The following EPS15L1 variants were observed in gnomAD, a reference collection of about 807,000 sequenced individuals.
The protein encoded by EPS15L1 is epidermal growth factor receptor substrate 15-like 1.
EPS15L1 carries 43 observed loss-of-function variants against 117.1 expected under a neutral mutation model. The ratio of observed to expected loss-of-function variants is 0.37; its 90% CI spans 0.29 to 0.47. EPS15L1 has a LOEUF of 0.47. Among genes scored for constraint, EPS15L1 ranks in the 20% least tolerant of loss-of-function variants. The probability of loss-of-function intolerance (pLI) is 0.99; values close to 1 mark genes in which losing one functional copy is unlikely to be tolerated. For missense variants in EPS15L1, 981 were observed against 1,164.0 expected, an observed-to-expected ratio of 0.84 and a Z score of 2.29; for synonymous variants, 459 against 470.5, an observed-to-expected ratio of 0.98 and a Z score of 0.32.
At chr19:16,374,702 T>C (rs2092270819) in intron 22 of EPS15L1, among the ~76,000 whole-genome samples, 2 of 152,212 alleles carry the variant, frequency 1.3e-5, no homozygotes, top group Admixed American at 6.5e-5. Context: ...GCTTTGCACC[T>C]GTGAGCTGTT....
intron 1 of EPS15L1, among the ~76,000 whole-genome samples, chr19:16,463,616 C>T (rs2093273835): frequency 6.6e-6 from 1 of 152,174 alleles, no homozygotes; most frequent in African/African-American, 2.4e-5. Flanking sequence ...TTGTTGAGCA[C>T]CTGAGTGCCA....
chr19:16,419,713 C>T (rs139109227), intron 10 of EPS15L1, among the ~76,000 whole-genome samples: 3 of 152,324 alleles, frequency 2.0e-5, no homozygotes, highest in South Asian at 4.1e-4. Flanking sequence ...AACAGAGCTG[C>T]GGAGAATGAG....
At chr19:16,458,527 C>T (rs1321481214) in intron 1 of EPS15L1, among the ~76,000 whole-genome samples, 1 of 152,132 alleles carries the variant, frequency 6.6e-6, no homozygotes, top group East Asian at 1.9e-4. Context: ...TGCCTTCACC[C>T]GCTTCCCCAC....
At chr19:16,403,960 A>G (rs873636) in intron 14 of EPS15L1, 30 bp from the exon 15 acceptor site, 521,410 of 1,585,618 alleles carry the variant, frequency 0.33, 92,676 homozygotes, top group African/African-American at 0.69. Flanking sequence ...GATGTTAAAG[A>G]GATTCACAGT....
At chr19:16,466,990 G>A (rs191167909) in intron 1 of EPS15L1, among the ~76,000 whole-genome samples, 1 of 151,990 alleles carries the variant, frequency 6.6e-6, no homozygotes, top group Non-Finnish European at 1.5e-5. Flanking sequence ...CAGGTCAAGC[G>A]AGTCCACAGT....
chr19:16,359,718 C>T (rs555334069), intron 23 of EPS15L1, among the ~76,000 whole-genome samples: 2 of 152,014 alleles, frequency 1.3e-5, no homozygotes, highest in South Asian at 4.2e-4. Context: ...TAAAATTAGC[C>T]AGATGTGGTG....
At chr19:16,388,205 G>T (rs1251918525) in intron 19 of EPS15L1, among the ~76,000 whole-genome samples, 1 of 152,054 alleles carries the variant, frequency 6.6e-6, no homozygotes, top group South Asian at 2.1e-4. Flanking sequence ...ACCACGCCTG[G>T]CTAATTTTTG....
intron 13 of EPS15L1, among the ~76,000 whole-genome samples, chr19:16,410,179 T>C (rs2144874540): frequency 6.6e-6 from 1 of 151,800 alleles, no homozygotes. Context: ...GAAAAAAATT[T>C]TTTCAATATA....
chr19:16,448,547 A>AG (rs56824066), intron 1 of EPS15L1, among the ~76,000 whole-genome samples: 2,585 of 119,052 alleles, frequency 0.022, 128 homozygotes, highest in African/African-American at 0.073. Context: ...TTAAAAAAAA[A>AG]GGGGGGGGGA....
intron 21 of EPS15L1, among the ~76,000 whole-genome samples, chr19:16,380,484 C>T (rs910592031): frequency 6.6e-6 from 1 of 152,152 alleles, no homozygotes; most frequent in Non-Finnish European, 1.5e-5. Flanking sequence ...ACAGACATGG[C>T]CCTCTAAGGT....
chr19:16,434,341 G>A (rs575711036), intron 7 of EPS15L1, 24 bp downstream of exon 7: 1 of 1,611,050 alleles, frequency 6.2e-7, no homozygotes, highest in Non-Finnish European at 8.5e-7. Flanking sequence ...GAGTGCAGAA[G>A]AACCAAGCCC....
At chr19:16,384,775 G>A (rs138243594) in intron 21 of EPS15L1, among the ~76,000 whole-genome samples, 1,528 of 152,294 alleles carry the variant, frequency 0.01, 15 homozygotes, top group Middle Eastern at 0.024. Context: ...TGGACGCCTC[G>A]CACCTGCAGG....
chr19:16,413,909 G>T, intron 12 of EPS15L1, 64 bp from the exon 13 acceptor site: 1 of 1,265,994 alleles, frequency 7.9e-7, no homozygotes, highest in Non-Finnish European at 1.1e-6. Flanking sequence ...CCTTCCCAAG[G>T]CCTGATTCTG....
intron 1 of EPS15L1, among the ~76,000 whole-genome samples, chr19:16,458,256 C>T (rs1365556873): frequency 6.6e-6 from 1 of 152,102 alleles, no homozygotes; most frequent in Non-Finnish European, 1.5e-5. Flanking sequence ...TTTTCTGGCC[C>T]CTCTAAACAT....
chr19:16,360,984 G>C (rs900744632), intron 23 of EPS15L1, among the ~76,000 whole-genome samples: 3 of 152,130 alleles, frequency 2.0e-5, no homozygotes. Context: ...CCAATTCTGG[G>C]AAGACAACAC....
chr19:16,468,038 C>T (rs2093318883), intron 1 of EPS15L1, among the ~76,000 whole-genome samples: 1 of 152,122 alleles, frequency 6.6e-6, no homozygotes, highest in Admixed American at 6.5e-5. Flanking sequence ...GGGCCCAGGG[C>T]AGTCTCTCCT....
intron 1 of EPS15L1, among the ~76,000 whole-genome samples, chr19:16,464,778 G>C (rs2093285605): frequency 9.7e-6 from 1 of 102,738 alleles, no homozygotes; most frequent in Non-Finnish European, 2.2e-5. Flanking sequence ...ACTAATGATA[G>C]CTGATGAGCT....
At chr19:16,367,846 T>C (rs995131836) in intron 22 of EPS15L1, among the ~76,000 whole-genome samples, 1 of 149,098 alleles carries the variant, frequency 6.7e-6, no homozygotes, top group Non-Finnish European at 1.5e-5. Flanking sequence ...GTGAATGCTA[T>C]AAAAACCTTG....
At chr19:16,385,007 G>T in intron 21 of EPS15L1, 122 bp downstream of exon 21, 1 of 788,584 alleles carries the variant, frequency 1.3e-6, no homozygotes, top group Non-Finnish European at 2.2e-6. Flanking sequence ...ACCTGACCTT[G>T]TGTTGGAAAG....
Sources: allele counts gnomAD v4.1 joint callset (sites outside exome capture counted in the v4.1 genomes callset), GRCh38; gene constraint gnomAD v4.1.1; transcripts MANE v1.5; gene names NCBI Gene and HGNC (gene_info 2026-07-23, HGNC 2026-07-21).